Variants in ROBO1 observed in about 807,000 individuals in gnomAD.
ROBO1 encodes the protein roundabout homolog 1.
A neutral mutation model predicts 195.9 loss-of-function variants in ROBO1; 149 were observed. That is an observed-to-expected ratio of 0.76 (90% CI 0.67 to 0.87). The LOEUF is 0.87. Among genes scored for constraint, ROBO1 ranks in the 40% least tolerant of loss-of-function variants. The probability of loss-of-function intolerance (pLI) is 0.00; values close to 1 mark genes in which losing one functional copy is unlikely to be tolerated. For missense variants in ROBO1, 1,933 were observed against 2,068.3 expected (o/e 0.93, Z 1.27); for synonymous variants, 816 against 733.2 (o/e 1.11, Z -1.82).
In ROBO1 at chr3:78,995,091, T is replaced by A. The variant is rs184780511; in HGVS notation, c.173-56164A>T. 1.2e-3 allele frequency among the ~76,000 whole-genome samples: 182 copies of A among 152,304 alleles called. 1 individual carries two copies. The Middle Eastern group carries it at 0.02, about 17-fold the overall frequency. On this transcript the variant is annotated intron_variant, in intron 3 of 30. Transcript: ENST00000464233. Reference sequence around the variant, plus strand: ...TCTGTAGTGCACCTTATACTTTTAATACTGACAAAAATTAATTCTAACCAA... The same window carrying A: ...TCTGTAGTGCACCTTATACTTTTAAAACTGACAAAAATTAATTCTAACCAA...
intron 14 of ROBO1, among the ~76,000 whole-genome samples, chr3:78,662,556 A>T (rs901103525): frequency 3.9e-5 from 6 of 152,170 alleles, no homozygotes; most frequent in African/African-American, 1.4e-4. Flanking sequence ...AAGAAAGGAG[A>T]TATGGTTAGT....
chr3:79,151,498 CA>C (rs891729823), intron 2 of ROBO1, among the ~76,000 whole-genome samples: 95 of 151,110 alleles, frequency 6.3e-4, no homozygotes, highest in Middle Eastern at 3.2e-3. Flanking sequence ...TGGACCATGT[CA>C]ATAGCCCTCT....
At chr3:78,675,410 T>C (rs1253845776) in intron 10 of ROBO1, among the ~76,000 whole-genome samples, 1 of 152,092 alleles carries the variant, frequency 6.6e-6, no homozygotes, top group Non-Finnish European at 1.5e-5. Flanking sequence ...TTCCCTTTCC[T>C]AGTCAAAGAA....
At chr3:79,531,413 G>A (rs67354022) in intron 2 of ROBO1, among the ~76,000 whole-genome samples, 13,199 of 151,952 alleles carry the variant, frequency 0.087, 588 homozygotes, top group East Asian at 0.16. Context: ...ACTTGAGGTC[G>A]GATTTCAAGA....
intron 10 of ROBO1, among the ~76,000 whole-genome samples, chr3:78,671,299 T>C (rs1353664463): frequency 6.6e-6 from 1 of 150,674 alleles, no homozygotes; most frequent in Non-Finnish European, 1.5e-5. Context: ...AACTCTATAG[T>C]TTTTTTTTAA....
intron 2 of ROBO1, among the ~76,000 whole-genome samples, chr3:79,534,849 T>C (rs1941794481): frequency 6.6e-6 from 1 of 152,166 alleles, no homozygotes; most frequent in Non-Finnish European, 1.5e-5. Context: ...CTTGAACCTC[T>C]ATCCAGGGCT....
intron 4 of ROBO1, among the ~76,000 whole-genome samples, chr3:78,750,454 AAAATAAATAAATAAATAAAT>A (rs60201979): frequency 2.2e-5 from 3 of 135,990 alleles, no homozygotes; most frequent in Admixed American, 7.6e-5. Context: ...CTCCATCTCA[AAAATAAATAAATAAATAAAT>A]AAATAAATAA....
intron 4 of ROBO1, among the ~76,000 whole-genome samples, chr3:78,901,750 T>G (rs2037603173): frequency 6.6e-6 from 1 of 152,172 alleles, no homozygotes; most frequent in Admixed American, 6.5e-5. Flanking sequence ...TCTCTTTTCT[T>G]GACAGAACAC....
At chr3:79,521,820 G>A (rs1404148753) in intron 2 of ROBO1, among the ~76,000 whole-genome samples, 4 of 152,192 alleles carry the variant, frequency 2.6e-5, no homozygotes, top group Admixed American at 2.6e-4. Flanking sequence ...GGGAAGATGT[G>A]TGGGGAAGCA....
intron 10 of ROBO1, among the ~76,000 whole-genome samples, chr3:78,684,725 G>A (rs542709132): frequency 6.6e-6 from 1 of 152,202 alleles, no homozygotes; most frequent in South Asian, 2.1e-4. Flanking sequence ...CAGAGATAAA[G>A]AAAGATGAGG....
At chr3:78,794,528 G>A (rs1355242560) in intron 4 of ROBO1, among the ~76,000 whole-genome samples, 1 of 152,182 alleles carries the variant, frequency 6.6e-6, no homozygotes, top group Admixed American at 6.5e-5. Flanking sequence ...CAACCAGGAT[G>A]TAGAGTGTTG....
At chr3:79,613,657 C>T (rs1944732429) in intron 1 of ROBO1, among the ~76,000 whole-genome samples, 1 of 151,958 alleles carries the variant, frequency 6.6e-6, no homozygotes, top group South Asian at 2.1e-4. Context: ...AAAAGAAACA[C>T]ACAATATCAC....
At chr3:79,394,476 A>T (rs2037064800) in intron 2 of ROBO1, among the ~76,000 whole-genome samples, 1 of 151,936 alleles carries the variant, frequency 6.6e-6, no homozygotes, top group Non-Finnish European at 1.5e-5. Context: ...ATATATATTT[A>T]TATATAAACA....
intron 14 of ROBO1, among the ~76,000 whole-genome samples, chr3:78,665,267 A>C (rs923099952): frequency 6.6e-6 from 1 of 152,220 alleles, no homozygotes; most frequent in Non-Finnish European, 1.5e-5. Flanking sequence ...TTCTAGTGCC[A>C]GCTAAGACTA....
At chr3:79,728,811 A>G (rs922620557) in intron 1 of ROBO1, among the ~76,000 whole-genome samples, 2 of 152,152 alleles carry the variant, frequency 1.3e-5, no homozygotes, top group Non-Finnish European at 2.9e-5. Flanking sequence ...CCATTTAATG[A>G]AAACCTTCAT....
At chr3:79,219,974 T>C (rs909385309) in intron 2 of ROBO1, among the ~76,000 whole-genome samples, 1 of 151,968 alleles carries the variant, frequency 6.6e-6, no homozygotes, top group Non-Finnish European at 1.5e-5. Context: ...TATCAGTTAG[T>C]GATATATATG....
At chr3:79,397,847 A>G (rs538092450) in intron 2 of ROBO1, among the ~76,000 whole-genome samples, 2 of 152,312 alleles carry the variant, frequency 1.3e-5, no homozygotes, top group South Asian at 4.1e-4. Flanking sequence ...CTCTCATATT[A>G]TTCATCTGTA....
At chr3:79,534,193 A>G in intron 2 of ROBO1, among the ~76,000 whole-genome samples, 1 of 148,420 alleles carries the variant, frequency 6.7e-6, no homozygotes, top group Non-Finnish European at 1.5e-5. Flanking sequence ...TCTTCACCAG[A>G]GCATCCAGAA....
intron 2 of ROBO1, among the ~76,000 whole-genome samples, chr3:79,174,207 A>G (rs1045844466): frequency 4.6e-5 from 7 of 151,970 alleles, no homozygotes; most frequent in African/African-American, 9.7e-5. Flanking sequence ...TTGGGTCCAC[A>G]CTGCCTTTAT....
Sources: gnomAD v4.1 joint callset for allele counts (sites outside exome capture counted in the v4.1 genomes callset) on GRCh38, gnomAD v4.1.1 for gene constraint, MANE v1.5 for transcripts, NCBI Gene and HGNC (gene_info 2026-07-23, HGNC 2026-07-21) for gene names.